Variants in MME observed in about 807,000 individuals in gnomAD.
The protein encoded by MME is membrane metalloendopeptidase.
MME carries 98 observed loss-of-function variants against 113.2 expected under a neutral mutation model. The observed-to-expected ratio is 0.87, with a 90% CI of 0.74 to 1.02. The LOEUF is 1.02. MME is among the 50% of genes least tolerant of loss of function. MME has a pLI of 0.00. For missense variants in MME, 836 were observed against 896.0 expected (o/e 0.93, Z 0.86); for synonymous variants, 292 against 300.6 (o/e 0.97, Z 0.30).
At chr3:155,050,492 G>A (rs1015819339) in intron 1 of MME, among the ~76,000 whole-genome samples, 2 of 152,076 alleles carry the variant, frequency 1.3e-5, no homozygotes, top group Admixed American at 1.3e-4. Context: ...TTGCCAGTAT[G>A]TTATTTTTTG....
chr3:155,042,754 G>A (rs1279337530), intron 1 of MME, among the ~76,000 whole-genome samples: 1 of 151,328 alleles, frequency 6.6e-6, no homozygotes, highest in African/African-American at 2.4e-5. Context: ...AATTATGAAT[G>A]AAAGTATCTT....
chr3:155,043,774 T>C (rs1713445560), intron 1 of MME, among the ~76,000 whole-genome samples: 1 of 152,190 alleles, frequency 6.6e-6, no homozygotes, highest in Non-Finnish European at 1.5e-5. Context: ...ATATTTTTAC[T>C]TGATTAGACG....
chr3:155,073,964 T>C (rs1237693610), intron 1 of MME, among the ~76,000 whole-genome samples: 1 of 152,174 alleles, frequency 6.6e-6, no homozygotes, highest in Non-Finnish European at 1.5e-5. Flanking sequence ...TCAGTATTGA[T>C]GATCATACTA....
chr3:155,095,554 A>T (rs1003022226), intron 3 of MME, among the ~76,000 whole-genome samples: 2 of 151,404 alleles, frequency 1.3e-5, no homozygotes, highest in African/African-American at 4.9e-5. Flanking sequence ...TTTATTTTTT[A>T]TTTTTTTTAG....
At chr3:155,139,121 G>A (rs973998735) in intron 9 of MME, among the ~76,000 whole-genome samples, 1 of 152,104 alleles carries the variant, frequency 6.6e-6, no homozygotes, top group African/African-American at 2.4e-5. Flanking sequence ...AGCTGCCACT[G>A]AATGAATGGC....
At position 155,181,905 on chromosome 3, in the gene MME, G is replaced by C. The variant is rs1410843899; in HGVS notation, c.*1446G>C. The C allele has an allele frequency of 6.6e-6, 1 of 151,902 alleles. No homozygotes were observed. Among genetic ancestry groups the C allele is most frequent in the African/African-American group, 2.4e-5 (1 of 41,352 alleles). The allele number at this position is 151,902 out of a possible 1,614,324, so 9.4% of individuals were successfully genotyped here. A position where few individuals can be genotyped will look rare whatever the true frequency, so the allele number is the denominator to read the frequency against. The stretch of plus-strand genomic sequence containing the variant: ...ATTAGTTCCCTGTCTCTTGAAAAAT[G>C]CCCATTTGCCTTTAAAAAAAAAAGT... On this transcript the variant is annotated 3_prime_UTR_variant, in exon 23 of 23. Transcript: ENST00000360490.
rs370221023 is a variant in MME at position 155,127,362 on chromosome 3, A to G, written c.720+8551A>G. Among the ~76,000 whole-genome samples the G allele has an allele frequency of 1.3e-4, 20 of 152,246 alleles. 1 individual carries two copies. In the South Asian group the frequency reaches 3.7e-3, roughly 28 times the overall value. Reference sequence around the variant, plus strand: ...TAGTCTATTTGGTCAAAGTTGGTTCACCAGTGCCCTATTCACATGTCAGGC... The same window carrying G: ...TAGTCTATTTGGTCAAAGTTGGTTCGCCAGTGCCCTATTCACATGTCAGGC... On this transcript the variant is annotated intron_variant, in intron 8 of 22. Transcript: ENST00000360490.
rs200221580 is a variant in MME at position 155,177,525 on chromosome 3, A to AT, written c.2154-2826dup. 6.9e-3 allele frequency among the ~76,000 whole-genome samples: 1,047 copies of AT among 151,426 alleles called. 11 individuals are homozygous for AT. The highest frequency in any genetic ancestry group is 0.024 in the African/African-American group (983 of 41,280). On this transcript the variant is annotated intron_variant, in intron 22 of 22. Coordinates refer to ENST00000360490, the MANE Select transcript of MME (RefSeq NM_007289.4). ...CACTTTTGACTACATTATAGAAGTG[A>AT]TTTTTTTTTGGCTCATGAACAATGG...
intron 22 of MME, among the ~76,000 whole-genome samples, chr3:155,178,303 G>T (rs3773871): frequency 2.0e-5 from 3 of 152,022 alleles, no homozygotes. Flanking sequence ...GTGGTGGAGA[G>T]GGATAGAGAA....
intron 8 of MME, among the ~76,000 whole-genome samples, chr3:155,125,403 A>G (rs753445185): frequency 1.4e-5 from 2 of 138,310 alleles, no homozygotes; most frequent in Non-Finnish European, 3.1e-5. Context: ...TGGGAGCTGT[A>G]GACTGGAGCT....
At chr3:155,101,443 G>C (rs1290997338) in intron 3 of MME, among the ~76,000 whole-genome samples, 2 of 152,080 alleles carry the variant, frequency 1.3e-5, no homozygotes, top group Non-Finnish European at 2.9e-5. Flanking sequence ...ACTCACTGGG[G>C]CCAAGGTCAG....
chr3:155,057,400 C>T (rs1220623800), intron 1 of MME, among the ~76,000 whole-genome samples: 2 of 152,010 alleles, frequency 1.3e-5, no homozygotes, highest in Non-Finnish European at 2.9e-5. Context: ...CAATGAGATA[C>T]CATCTCACAC....
intron 17 of MME, among the ~76,000 whole-genome samples, chr3:155,160,788 A>G (rs1189349255): frequency 2.0e-5 from 3 of 152,082 alleles, no homozygotes; most frequent in African/African-American, 7.2e-5. Flanking sequence ...ATTGACTTTA[A>G]GACTCATTAA....
chr3:155,087,457 G>A (rs1715863312), intron 3 of MME, among the ~76,000 whole-genome samples: 1 of 151,940 alleles, frequency 6.6e-6, no homozygotes, highest in Admixed American at 6.6e-5. Flanking sequence ...CCTTGGCTGG[G>A]GGATCTCCGT....
chr3:155,051,394 C>CA (rs1465260781), intron 1 of MME, among the ~76,000 whole-genome samples: 1 of 152,140 alleles, frequency 6.6e-6, no homozygotes, highest in Admixed American at 6.5e-5. Context: ...TTTATTTTCA[C>CA]ACTGCTGTAA....
At chr3:155,172,769 C>T (rs544390301) in intron 22 of MME, among the ~76,000 whole-genome samples, 157 bp downstream of exon 22, 2 of 149,084 alleles carry the variant, frequency 1.3e-5, no homozygotes, top group African/African-American at 5.0e-5. Flanking sequence ...GAGAACACAT[C>T]GGAGCATTCT....
intron 3 of MME, among the ~76,000 whole-genome samples, chr3:155,107,298 A>T (rs1224075535): frequency 6.6e-6 from 1 of 150,568 alleles, no homozygotes; most frequent in East Asian, 2.0e-4. Flanking sequence ...GGTTGCAGTG[A>T]GCCGAGATCG....
chr3:155,089,085 A>G (rs1716048706), intron 3 of MME, among the ~76,000 whole-genome samples: 2 of 152,242 alleles, frequency 1.3e-5, no homozygotes, highest in Non-Finnish European at 2.9e-5. Flanking sequence ...ATGTTTATGT[A>G]TACTTTAAAT....
chr3:155,160,188 C>T (rs1722614446), intron 16 of MME, among the ~76,000 whole-genome samples: 1 of 152,056 alleles, frequency 6.6e-6, no homozygotes, highest in Non-Finnish European at 1.5e-5. Flanking sequence ...AGATTACAGA[C>T]TTGAATATAT....
Sources: allele counts gnomAD v4.1 joint callset (sites outside exome capture counted in the v4.1 genomes callset), GRCh38; gene constraint gnomAD v4.1.1; transcripts MANE v1.5; gene names NCBI Gene and HGNC (gene_info 2026-07-23, HGNC 2026-07-21).